Variants in DNAH3 observed in about 807,000 individuals in gnomAD.
DNAH3 encodes the protein axonemal beta dynein heavy chain 3.
In DNAH3, 332 loss-of-function variants were observed where a neutral mutation model predicts 432.5. The observed-to-expected ratio is 0.77, with a 90% confidence interval of 0.70 to 0.84. DNAH3 has a LOEUF of 0.84. DNAH3 is among the 40% of genes least tolerant of loss of function. DNAH3 has a pLI of 0.00. For synonymous variants in DNAH3, 1,956 were observed against 1,900.2 expected, an observed-to-expected ratio of 1.03 and a Z score of -0.76; for missense variants, 4,861 against 5,114.0, an observed-to-expected ratio of 0.95 and a Z score of 1.51.
intron 1 of DNAH3, among the ~76,000 whole-genome samples, chr16:21,153,631 C>T (rs993707054): frequency 6.6e-6 from 1 of 152,196 alleles, no homozygotes; most frequent in Non-Finnish European, 1.5e-5. Flanking sequence ...AGCTGTAACA[C>T]TCACGGTGAA....
chr16:20,952,461 C>T (rs1196177780), exon 56 of DNAH3: 4 of 1,612,820 alleles, frequency 2.5e-6, no homozygotes, highest in Non-Finnish European at 3.4e-6. Context: ...CATCAAAGGG[C>T]ACCTCCTTGT....
At chr16:20,933,781 G>T (rs567027317) in intron 61 of DNAH3, among the ~76,000 whole-genome samples, 1 of 152,306 alleles carries the variant, frequency 6.6e-6, no homozygotes, top group South Asian at 2.1e-4. Flanking sequence ...CCTCTAACTA[G>T]CTTAGTGATT....
Position 21,014,720 on chromosome 16 carries a change from A to T in DNAH3, c.6022+4904T>A, listed in dbSNP as rs375165932. 2.6e-4 allele frequency among the ~76,000 whole-genome samples: 40 copies of T among 152,326 alleles called. No homozygotes were observed. In the East Asian group the frequency reaches 3.7e-3, roughly 14 times the overall value. On this transcript the variant is annotated intron_variant, in intron 41 of 61. Transcript: ENST00000261383. ...ATCCACAAAAAGACTCCTGGAACTT[A>T]TAAGTGATTGTAGTAAGATGGCTGG... is the stretch of plus-strand genomic sequence containing the variant.
In DNAH3 at chr16:20,987,931, A is replaced by T; in HGVS notation, c.6725+11T>A. ...CAGCCCACTATCCAGGAAGACAGAGAAACCTCTTACCTTAAAAACATCACA... is the reference window on the plus strand; with the variant it reads ...CAGCCCACTATCCAGGAAGACAGAGTAACCTCTTACCTTAAAAACATCACA... On this transcript the variant is annotated intron_variant, in intron 45 of 61. Transcript: ENST00000261383. 1 of 1,614,216 alleles carries T rather than the reference A, an allele frequency of 6.2e-7. No individual in the cohort carries two copies. Among genetic ancestry groups the T allele is most frequent in the Non-Finnish European group, 8.5e-7 (1 of 1,180,042 alleles).
intron 1 of DNAH3, 64 bp from the exon 3 acceptor site, chr16:21,146,152 G>T: frequency 8.5e-7 from 1 of 1,178,380 alleles, no homozygotes; most frequent in Non-Finnish European, 1.3e-6. Flanking sequence ...CCTCTGAGTT[G>T]GTTAGGACTA....
At chr16:20,942,994 C>A (rs1251701783) in intron 58 of DNAH3, among the ~76,000 whole-genome samples, 3 of 152,066 alleles carry the variant, frequency 2.0e-5, no homozygotes, top group Non-Finnish European at 4.4e-5. Context: ...GTGATCACAG[C>A]CTCACTGCAG....
At chr16:20,996,852 A>G (rs2086784387) in intron 44 of DNAH3, 1 of 167,254 alleles carries the variant, frequency 6.0e-6, no homozygotes, top group Admixed American at 5.7e-5. Context: ...CAATATATCC[A>G]CTGATTATTT....
intron 14 of DNAH3, among the ~76,000 whole-genome samples, chr16:21,110,417 T>G (rs898735439): frequency 1.3e-5 from 2 of 152,270 alleles, no homozygotes; most frequent in East Asian, 1.9e-4. Flanking sequence ...TTTTGCCTCC[T>G]CTGGATAGGA....
At chr16:21,045,033 C>G (rs2089630692) in intron 31 of DNAH3, among the ~76,000 whole-genome samples, 1 of 152,118 alleles carries the variant, frequency 6.6e-6, no homozygotes, top group African/African-American at 2.4e-5. Context: ...CCTACTTGAT[C>G]AGGGTGGATA....
At chr16:21,103,176 AG>A (rs1342033530) in intron 16 of DNAH3, among the ~76,000 whole-genome samples, 1 of 152,014 alleles carries the variant, frequency 6.6e-6, no homozygotes. Context: ...AAAGGGTAGG[AG>A]GGGGGTGAGG....
chr16:20,935,389 T>C, exon 61 of DNAH3: 1 of 1,613,886 alleles, frequency 6.2e-7, no homozygotes, highest in Non-Finnish European at 8.5e-7. Flanking sequence ...ATGGTATATT[T>C]CCGGGCATAA....
At chr16:21,074,392 A>C (rs4783519) in intron 21 of DNAH3, among the ~76,000 whole-genome samples, 13,820 of 152,192 alleles carry the variant, frequency 0.091, 693 homozygotes, top group East Asian at 0.14. Context: ...ATGATTCTAC[A>C]ATGCAGGTTT....
intron 12 of DNAH3, among the ~76,000 whole-genome samples, chr16:21,112,384 G>A (rs748541672): frequency 6.6e-5 from 10 of 152,102 alleles, no homozygotes; most frequent in Non-Finnish European, 1.2e-4. Flanking sequence ...AGACATACTC[G>A]AGACTGGGAA....
intron 35 of DNAH3, 45 bp downstream of exon 35, chr16:21,036,669 A>AG: frequency 6.3e-7 from 1 of 1,584,386 alleles, no homozygotes; most frequent in Admixed American, 1.8e-5. Context: ...TGCTGACTTC[A>AG]GCAAACAGTA....
exon 24 of DNAH3, chr16:21,067,338 C>T (rs559058841): frequency 6.2e-7 from 1 of 1,613,986 alleles, no homozygotes; most frequent in African/African-American, 1.3e-5. Context: ...TTCTGGATGT[C>T]CTCCAAGAGA....
chr16:21,010,630 C>A (rs2087547730), intron 41 of DNAH3, among the ~76,000 whole-genome samples: 1 of 152,122 alleles, frequency 6.6e-6, no homozygotes, highest in Non-Finnish European at 1.5e-5. Flanking sequence ...TCTTGCATAT[C>A]ATGAAAATCC....
At chr16:21,021,611 A>G (rs2088226021) in intron 40 of DNAH3, among the ~76,000 whole-genome samples, 1 of 152,104 alleles carries the variant, frequency 6.6e-6, no homozygotes, top group Admixed American at 6.6e-5. Flanking sequence ...GTGGGAGCAG[A>G]AAAAATAGCC....
exon 62 of DNAH3, chr16:20,933,136 G>A (rs1005368880): frequency 4.4e-6 from 7 of 1,596,714 alleles, no homozygotes; most frequent in African/African-American, 1.3e-5. Flanking sequence ...TTTATTTTCT[G>A]TCTTGAGACA....
At position 21,106,650 on chromosome 16, in the gene DNAH3, G is replaced by A. The variant is rs148085045; in HGVS notation, c.2124C>T (p.Ile708=). 417 of 1,600,202 alleles carry A rather than the reference G, an allele frequency of 2.6e-4. 5 individuals are homozygous for A. Among genetic ancestry groups the A allele is most frequent in the South Asian group, 2.5e-3 (220 of 88,794 alleles). The change falls in exon 15 of 62, where the codon ATC becomes ATT. Residue 708 remains isoleucine (I), a synonymous_variant. Coordinates refer to ENST00000261383, the Ensembl canonical transcript of DNAH3. ...CAGGAACCTCACTGACTTTGTCTGC[G>A]ATGTGGCTGTACTGATTACAAATGC...
Sources: gnomAD v4.1 joint callset for allele counts (sites outside exome capture counted in the v4.1 genomes callset) on GRCh38, gnomAD v4.1.1 for gene constraint, MANE v1.5 for transcripts, NCBI Gene and HGNC (gene_info 2026-07-23, HGNC 2026-07-21) for gene names.